Variants in GLIS3 observed in about 807,000 individuals in gnomAD.
The protein encoded by GLIS3 is GLIS family zinc finger 3, also known as zinc finger protein GLIS3.
GLIS3 carries 53 observed loss-of-function variants against 78.6 expected under a neutral mutation model. The observed-to-expected ratio is 0.67, with a 90% CI of 0.54 to 0.85. GLIS3 has a LOEUF of 0.85. GLIS3 is among the 40% of genes least tolerant of loss of function. The probability of loss-of-function intolerance (pLI) is 0.00; values close to 1 mark genes in which losing one functional copy is unlikely to be tolerated. For synonymous variants in GLIS3, 684 were observed against 509.9 expected (o/e 1.34, Z -4.60); for missense variants, 1,703 against 1,231.1 (o/e 1.38, Z -5.74).
At chr9:4,486,887 A>C in the GLIS3 span, among the ~76,000 whole-genome samples, 3 of 152,188 alleles carry the variant, frequency 2.0e-5, no homozygotes, top group South Asian at 6.2e-4. Context: ...TTGTAGAGCC[A>C]AGATTTCACT....
At chr9:3,842,681 T>G (rs201042419) in intron 9 of GLIS3, among the ~76,000 whole-genome samples, 2 of 152,194 alleles carry the variant, frequency 1.3e-5, no homozygotes, top group Non-Finnish European at 2.9e-5. Context: ...ACATGCACAT[T>G]CCTGAGCTCT....
At chr9:4,096,310 T>TAG (rs1456913557) in intron 4 of GLIS3, among the ~76,000 whole-genome samples, 8 of 152,200 alleles carry the variant, frequency 5.3e-5, no homozygotes, top group Admixed American at 1.3e-4. Context: ...ACCAGTTGTG[T>TAG]TATAAGGACA....
At chr9:4,293,562 C>A (rs370633964) in intron 1 of GLIS3, among the ~76,000 whole-genome samples, 1 of 152,206 alleles carries the variant, frequency 6.6e-6, no homozygotes, top group African/African-American at 2.4e-5. Context: ...TGGAATCTAT[C>A]GGTCATGCTG....
chr9:4,385,822 G>GAA, the GLIS3 span, among the ~76,000 whole-genome samples: 293 of 40,026 alleles, frequency 7.3e-3, 3 homozygotes, highest in Non-Finnish European at 0.012. Flanking sequence ...AAGAAAGAAA[G>GAA]AGAAAAGAAA....
chr9:4,023,586 C>T (rs2130175719), intron 4 of GLIS3, among the ~76,000 whole-genome samples: 1 of 152,078 alleles, frequency 6.6e-6, no homozygotes, highest in East Asian at 1.9e-4. Flanking sequence ...TTTTGTGGCC[C>T]ACAGAGCGAG....
intron 9 of GLIS3, among the ~76,000 whole-genome samples, chr9:3,839,338 GAAAA>G (rs1460649606): frequency 6.6e-6 from 1 of 152,164 alleles, no homozygotes. Context: ...GCAGCAGAAT[GAAAA>G]CAGCAATCAC....
At chr9:4,300,588 G>A (rs1817026565), upstream of GLIS3, among the ~76,000 whole-genome samples, 1 of 152,116 alleles carries the variant, frequency 6.6e-6, no homozygotes, top group Non-Finnish European at 1.5e-5. Context: ...TGATGGAAGT[G>A]TTAGAAGGGT....
At chr9:4,149,597 G>A in intron 2 of GLIS3, among the ~76,000 whole-genome samples, 1 of 152,332 alleles carries the variant, frequency 6.6e-6, no homozygotes, top group Non-Finnish European at 1.5e-5. Flanking sequence ...ACCATAAATG[G>A]TGTCAGGCAT....
At chr9:4,062,036 C>T (rs1205442041) in intron 4 of GLIS3, among the ~76,000 whole-genome samples, 1 of 152,140 alleles carries the variant, frequency 6.6e-6, no homozygotes, top group African/African-American at 2.4e-5. Context: ...TCAGGCTGTC[C>T]CAGCATCTTT....
intron 2 of GLIS3, among the ~76,000 whole-genome samples, chr9:4,156,173 C>A (rs534750759): frequency 1.3e-5 from 2 of 152,226 alleles, no homozygotes; most frequent in East Asian, 3.9e-4. Flanking sequence ...CTGAAGCCTT[C>A]CTTCACTCTT....
chr9:3,838,616 G>A (rs74997301), intron 9 of GLIS3, among the ~76,000 whole-genome samples: 3 of 152,134 alleles, frequency 2.0e-5, no homozygotes, highest in Admixed American at 6.5e-5. Context: ...ACTTGGGTCA[G>A]TTAGGTGCTT....
chr9:4,350,612 G>C (rs560382896), upstream of GLIS3, among the ~76,000 whole-genome samples: 1 of 152,252 alleles, frequency 6.6e-6, no homozygotes, highest in African/African-American at 2.4e-5. Flanking sequence ...AAGGAAGACT[G>C]AACTCTTCTT....
At position 4,177,631 on chromosome 9, in the gene GLIS3, T is replaced by G. The variant is rs184742744; in HGVS notation, c.389-51690A>C. On this transcript the variant is annotated intron_variant, in intron 2 of 10. Coordinates refer to ENST00000381971, the MANE Select transcript of GLIS3 (RefSeq NM_001042413.2). ...TTGATTTCTAAGATCTATTTTAGCTTCTATGAAACCAACCTTTCCCAGGGT... is the reference window on the plus strand; with the variant it reads ...TTGATTTCTAAGATCTATTTTAGCTGCTATGAAACCAACCTTTCCCAGGGT... Among the ~76,000 whole-genome samples the G allele has an allele frequency of 6.7e-4, 102 of 152,292 alleles. 1 individual carries two copies. Among genetic ancestry groups the G allele is most frequent in the Non-Finnish European group, 9.0e-4 (61 of 68,024 alleles).
At chr9:4,374,635 G>A in the GLIS3 span, among the ~76,000 whole-genome samples, 1 of 152,166 alleles carries the variant, frequency 6.6e-6, no homozygotes, top group Non-Finnish European at 1.5e-5. Context: ...TGTCAATCAG[G>A]GCATCTTGTC....
At chr9:4,232,124 T>C (rs902316718) in intron 2 of GLIS3, among the ~76,000 whole-genome samples, 4 of 152,130 alleles carry the variant, frequency 2.6e-5, no homozygotes, top group African/African-American at 7.2e-5. Context: ...ACACCTGTAA[T>C]GCCAGCACTT....
At chr9:4,313,267 G>T (rs1294086336) in intron 2 of GLIS3, among the ~76,000 whole-genome samples, 1 of 152,176 alleles carries the variant, frequency 6.6e-6, no homozygotes, top group Non-Finnish European at 1.5e-5. Context: ...TGGCAAGTGT[G>T]TCTGCCTCCA....
Position 4,016,971 on chromosome 9 carries a change from C to T in GLIS3, c.1711-79782G>A, listed in dbSNP as rs568492981. 2.6e-5 allele frequency among the ~76,000 whole-genome samples: 4 copies of T among 152,304 alleles called. No homozygotes were observed. The South Asian group carries it at 8.3e-4, about 32-fold the overall frequency. On this transcript the variant is annotated intron_variant, in intron 4 of 10. Transcript: ENST00000381971. ...ACACCCGATCCACAAGCCGAACAAT[C>T]ACATTGCAAAATGCTTTCAATGTCC...
At chr9:4,315,371 T>G (rs564309970) in intron 2 of GLIS3, among the ~76,000 whole-genome samples, 1 of 152,182 alleles carries the variant, frequency 6.6e-6, no homozygotes, top group African/African-American at 2.4e-5. Context: ...ATTGTTAGTA[T>G]TTCAAGGCCT....
At chr9:4,218,290 T>C (rs1389902096) in intron 2 of GLIS3, among the ~76,000 whole-genome samples, 1 of 132,820 alleles carries the variant, frequency 7.5e-6, no homozygotes, top group Non-Finnish European at 1.7e-5. Flanking sequence ...TTGGTTGAAC[T>C]TTTTTTTTTT....
Sources: gnomAD v4.1 joint callset for allele counts (sites outside exome capture counted in the v4.1 genomes callset) on GRCh38, gnomAD v4.1.1 for gene constraint, MANE v1.5 for transcripts, NCBI Gene and HGNC (gene_info 2026-07-23, HGNC 2026-07-21) for gene names.